The following SERPINB8 variants were observed in gnomAD, a reference collection of about 807,000 sequenced individuals.
The protein encoded by SERPINB8 is serpin B8.
SERPINB8 carries 25 observed loss-of-function variants against 35.3 expected under a neutral mutation model. The observed-to-expected ratio is 0.71, with a 90% CI of 0.52 to 0.99. The LOEUF (loss-of-function observed/expected upper bound fraction) is 0.99, where lower values mean the gene tolerates loss of function less well. Among genes scored for constraint, SERPINB8 ranks in the 50% least tolerant of loss-of-function variants. The pLI is 0.00. For missense variants in SERPINB8, 484 were observed against 446.5 expected, an observed-to-expected ratio of 1.08 and a Z score of -0.76; for synonymous variants, 186 against 160.8, an observed-to-expected ratio of 1.16 and a Z score of -1.19.
intron 1 of SERPINB8, among the ~76,000 whole-genome samples, chr18:63,994,881 A>G (rs2050841466): frequency 6.6e-6 from 1 of 152,202 alleles, no homozygotes; most frequent in Non-Finnish European, 1.5e-5. Flanking sequence ...CGTCCCAGAC[A>G]CAATCCAGCT....
chr18:63,983,159 A>C (rs1298014363), intron 4 of SERPINB8, among the ~76,000 whole-genome samples: 2 of 152,176 alleles, frequency 1.3e-5, no homozygotes, highest in Admixed American at 1.3e-4. Flanking sequence ...GACAGCCCCC[A>C]TAACAAAGAA....
At chr18:63,981,899 G>A in intron 4 of SERPINB8, 61 bp downstream of exon 4, 1 of 1,209,920 alleles carries the variant, frequency 8.3e-7, no homozygotes, top group Non-Finnish European at 1.2e-6. Flanking sequence ...AGATTGACTG[G>A]GATGGGACTT....
chr18:64,016,722 G>A (rs1276449827), intron 7 of SERPINB8, among the ~76,000 whole-genome samples: 2 of 152,132 alleles, frequency 1.3e-5, no homozygotes, highest in African/African-American at 2.4e-5. Flanking sequence ...TTTCATCCAG[G>A]AGCATACATC....
chr18:63,989,909 C>A (rs1201650468), downstream of SERPINB8, among the ~76,000 whole-genome samples: 7 of 124,198 alleles, frequency 5.6e-5, no homozygotes, highest in East Asian at 1.5e-3. Context: ...CGCCACTGCA[C>A]TCCAGCCTGG....
intron 1 of SERPINB8, among the ~76,000 whole-genome samples, chr18:63,996,945 C>G (rs1203719077): frequency 1.3e-5 from 2 of 152,214 alleles, no homozygotes; most frequent in African/African-American, 4.8e-5. Context: ...GAAAAGGCTG[C>G]TATGTTTCAA....
intron 7 of SERPINB8, among the ~76,000 whole-genome samples, chr18:64,011,767 G>A (rs889646480): frequency 6.6e-6 from 1 of 152,122 alleles, no homozygotes; most frequent in Non-Finnish European, 1.5e-5. Flanking sequence ...ATATTTGGAT[G>A]AATGAGTGAA....
At chr18:63,990,954 T>C (rs2050822292), downstream of SERPINB8, among the ~76,000 whole-genome samples, 1 of 152,266 alleles carries the variant, frequency 6.6e-6, no homozygotes, top group Non-Finnish European at 1.5e-5. Context: ...TTTGAGTTCA[T>C]GTTTTGCATA....
intron 1 of SERPINB8, among the ~76,000 whole-genome samples, chr18:63,998,937 T>G (rs1203972480): frequency 1.3e-5 from 2 of 152,312 alleles, no homozygotes; most frequent in East Asian, 3.9e-4. Flanking sequence ...AATAGAAACT[T>G]TGATGGAACC....
In SERPINB8 at chr18:63,987,272, T is replaced by C. The variant is rs2050775694; in HGVS notation, c.1119T>C (p.Ser373=). The C allele has an allele frequency of 6.2e-7, 1 of 1,610,260 alleles. No homozygotes were observed. The highest frequency in any genetic ancestry group is 1.7e-5 in the Admixed American group (1 of 59,622). ...NCILFCGRFS[S]P is the part of the protein sequence containing the mutation. ...TCTTGTTCTGTGGCAGGTTCTCTTC[T>C]CCGTAAAGAGGAGCAATTGCTGTAC... is the stretch of plus-strand genomic sequence containing the variant. Residue 373 remains serine (S), a synonymous_variant, in exon 7 of 7, where the codon TCT becomes TCC. Transcript: ENST00000397985.
intron 7 of SERPINB8, among the ~76,000 whole-genome samples, chr18:64,018,387 A>T (rs1038475270): frequency 4.6e-5 from 7 of 152,192 alleles, no homozygotes; most frequent in Admixed American, 1.3e-4. Context: ...TTCAAGAGCA[A>T]ATCAATGCAA....
chr18:64,007,425 A>C (rs900778989), downstream of SERPINB8, among the ~76,000 whole-genome samples: 37 of 152,218 alleles, frequency 2.4e-4, no homozygotes, highest in African/African-American at 8.4e-4. Context: ...CATTTACAAA[A>C]AGAATATCTT....
chr18:64,008,675 T>C (rs989707080), downstream of SERPINB8, among the ~76,000 whole-genome samples: 2 of 152,116 alleles, frequency 1.3e-5, no homozygotes, highest in African/African-American at 4.8e-5. Context: ...TCACAAATAA[T>C]AGAGAATTAT....
intron 7 of SERPINB8, among the ~76,000 whole-genome samples, chr18:64,012,550 CT>C: frequency 6.9e-6 from 1 of 145,078 alleles, no homozygotes; most frequent in Middle Eastern, 3.4e-3. Flanking sequence ...TTGGTTATTC[CT>C]TTTTAATATC....
chr18:64,018,422 A>AT (rs1256932002), intron 7 of SERPINB8, among the ~76,000 whole-genome samples: 2 of 152,180 alleles, frequency 1.3e-5, no homozygotes, highest in Non-Finnish European at 2.9e-5. Flanking sequence ...CTTAGAATTG[A>AT]TTTTTTACAA....
At chr18:64,017,641 A>T (rs1042977004) in intron 7 of SERPINB8, among the ~76,000 whole-genome samples, 27 of 152,182 alleles carry the variant, frequency 1.8e-4, no homozygotes, top group Admixed American at 1.6e-3. Context: ...GAGAGATTTG[A>T]GATAATGGAC....
At chr18:64,017,375 G>A (rs1330959994) in intron 7 of SERPINB8, among the ~76,000 whole-genome samples, 1 of 152,112 alleles carries the variant, frequency 6.6e-6, no homozygotes, top group Non-Finnish European at 1.5e-5. Context: ...TTTCCTATGA[G>A]GGTAGGAATC....
intron 1 of SERPINB8, among the ~76,000 whole-genome samples, chr18:63,977,872 A>C (rs2050607147): frequency 6.6e-6 from 1 of 152,234 alleles, no homozygotes; most frequent in South Asian, 2.1e-4. Context: ...ATGGTACAGC[A>C]TAGCAATGTT....
At chr18:63,990,078 T>G (rs535162733), downstream of SERPINB8, among the ~76,000 whole-genome samples, 1 of 149,040 alleles carries the variant, frequency 6.7e-6, no homozygotes, top group East Asian at 1.9e-4. Flanking sequence ...CGTGTTTTTT[T>G]TTTTTTTTTT....
At chr18:64,015,611 T>C (rs1415884563) in intron 7 of SERPINB8, among the ~76,000 whole-genome samples, 1 of 152,232 alleles carries the variant, frequency 6.6e-6, no homozygotes, top group African/African-American at 2.4e-5. Context: ...GTTATGTCGA[T>C]ACCTTTTTCA....
Sources: allele counts gnomAD v4.1 joint callset (sites outside exome capture counted in the v4.1 genomes callset), GRCh38; gene constraint gnomAD v4.1.1; transcripts MANE v1.5; gene names NCBI Gene and HGNC (gene_info 2026-07-23, HGNC 2026-07-21).